The following DTNB variants were observed in gnomAD, a reference collection of about 807,000 sequenced individuals.
DTNB encodes the protein dystrobrevin beta, also known as DTN-B.
In DTNB, 63 loss-of-function variants were observed where a neutral mutation model predicts 90.7. The observed-to-expected ratio is 0.69, with a 90% CI of 0.57 to 0.86. DTNB has a LOEUF of 0.86. Among genes scored for constraint, DTNB ranks in the 40% least tolerant of loss-of-function variants. DTNB has a pLI of 0.00. For missense variants in DTNB, 744 were observed against 807.1 expected, an observed-to-expected ratio of 0.92 and a Z score of 0.95; for synonymous variants, 277 against 286.7, an observed-to-expected ratio of 0.97 and a Z score of 0.34.
At chr2:25,402,126 G>C (rs2043882936) in intron 16 of DTNB, among the ~76,000 whole-genome samples, 1 of 152,222 alleles carries the variant, frequency 6.6e-6, no homozygotes, top group African/African-American at 2.4e-5. Flanking sequence ...AGCTGGTGCT[G>C]GTGGTGACCA....
intron 4 of DTNB, among the ~76,000 whole-genome samples, chr2:25,623,106 A>C (rs1347291610): frequency 6.6e-6 from 1 of 152,210 alleles, no homozygotes; most frequent in African/African-American, 2.4e-5. Context: ...AAACGAGAAA[A>C]CAAAAACAGA....
intron 9 of DTNB, among the ~76,000 whole-genome samples, chr2:25,510,513 CTTT>C (rs913768253): frequency 6.9e-6 from 1 of 143,912 alleles, no homozygotes; most frequent in Admixed American, 6.9e-5. Context: ...CTTTCTTCTT[CTTT>C]TTTTTTTTTG....
intron 3 of DTNB, among the ~76,000 whole-genome samples, chr2:25,636,142 C>T (rs552898586): frequency 1.2e-3 from 175 of 152,154 alleles, no homozygotes; most frequent in African/African-American, 4.1e-3. Flanking sequence ...ACTGAAAATA[C>T]ATATGGAAAA....
In DTNB at chr2:25,515,572, C is replaced by CATTTATTT. The variant is rs60019416; in HGVS notation, c.1001+15893_1001+15900dup. 1.5e-3 allele frequency among the ~76,000 whole-genome samples: 230 copies of CATTTATTT among 150,174 alleles called. 1 individual carries two copies. Among genetic ancestry groups the CATTTATTT allele is most frequent in the Non-Finnish European group, 2.1e-3 (139 of 67,626 alleles). On this transcript the variant is annotated intron_variant, in intron 9 of 20. Transcript: ENST00000406818. ...GTGCTTAGACAAGTGGATATCCATG[C>CATTTATTT]ATTTATTTATTTATTTATTTATTTA...
intron 8 of DTNB, among the ~76,000 whole-genome samples, chr2:25,539,753 T>C (rs1298108055): frequency 2.0e-5 from 3 of 152,156 alleles, no homozygotes; most frequent in Non-Finnish European, 4.4e-5. Context: ...TTTTTTCCTT[T>C]ATATTCTGTT....
At chr2:25,614,367 G>A (rs912359805) in intron 4 of DTNB, among the ~76,000 whole-genome samples, 15 of 152,050 alleles carry the variant, frequency 9.9e-5, no homozygotes, top group African/African-American at 3.6e-4. Context: ...AAACACATTA[G>A]AAGTAAAGAA....
At chr2:25,590,345 T>C (rs2063322998) in intron 6 of DTNB, among the ~76,000 whole-genome samples, 1 of 152,188 alleles carries the variant, frequency 6.6e-6, no homozygotes, top group Non-Finnish European at 1.5e-5. Context: ...GACTGAGGTA[T>C]GTGGAAAAGT....
intron 9 of DTNB, among the ~76,000 whole-genome samples, chr2:25,516,658 G>A (rs2075177781): frequency 6.6e-6 from 1 of 152,096 alleles, no homozygotes; most frequent in Admixed American, 6.5e-5. Flanking sequence ...GGGAGGCTGA[G>A]GCAAGCAGAT....
chr2:25,648,079 C>G (rs1222411170), intron 2 of DTNB, among the ~76,000 whole-genome samples: 3 of 152,130 alleles, frequency 2.0e-5, no homozygotes, highest in Non-Finnish European at 4.4e-5. Flanking sequence ...AAATCAGAAT[C>G]TCTGAGCATG....
intron 9 of DTNB, among the ~76,000 whole-genome samples, chr2:25,496,051 A>T (rs375453523): frequency 1.3e-4 from 20 of 152,210 alleles, no homozygotes; most frequent in African/African-American, 4.8e-4. Flanking sequence ...TCACCACTAG[A>T]TAGTGTCTAG....
intron 9 of DTNB, among the ~76,000 whole-genome samples, chr2:25,530,110 C>T (rs624622): frequency 0.32 from 49,136 of 151,920 alleles, 9,645 homozygotes; most frequent in African/African-American, 0.54. Context: ...AGAGATGAGG[C>T]TGATTCATTA....
intron 3 of DTNB, among the ~76,000 whole-genome samples, chr2:25,631,555 G>A (rs1263279012): frequency 6.7e-6 from 1 of 149,016 alleles, no homozygotes; most frequent in Non-Finnish European, 1.5e-5. Flanking sequence ...CCTGAGTGAC[G>A]AAGTGAGACC....
At position 25,467,231 on chromosome 2, in the gene DTNB, T is replaced by C. The variant is rs553848032; in HGVS notation, c.1080-11737A>G. On this transcript the variant is annotated intron_variant, in intron 10 of 20. Transcript: ENST00000406818. ...CAACATTTGTACCTTTGACTACTGC[T>C]ACTATACTACGAATGAAGAAGATGT... Among the ~76,000 whole-genome samples the C allele has an allele frequency of 7.2e-5, 11 of 152,264 alleles. No individual in the cohort carries two copies. In the South Asian group the frequency reaches 2.3e-3, roughly 32 times the overall value.
rs191139644 is a variant in DTNB, at chr2:25,504,472, G to A, written c.1002-21599C>T. Among the ~76,000 whole-genome samples, 11 of 134,964 alleles carry A rather than the reference G, an allele frequency of 8.2e-5. 1 individual carries two copies. The highest frequency in any genetic ancestry group is 7.3e-4 in the Admixed American group (9 of 12,396). The allele number at this position is 134,964 out of a possible 152,430, so 88.5% of individuals were successfully genotyped here. ...GGAAAGAAAGGAAGGAAGGAAGGAA[G>A]GAAAGAAGGAAAGACAAGAAAGAAG... On this transcript the variant is annotated intron_variant, in intron 9 of 20. Transcript: ENST00000406818.
At chr2:25,379,488 G>A (rs2036935041) in intron 19 of DTNB, 165 bp from the exon 20 acceptor site, 1 of 851,216 alleles carries the variant, frequency 1.2e-6, no homozygotes, top group East Asian at 3.3e-5. Flanking sequence ...CAGCAGGGTA[G>A]AGTCATACTT....
chr2:25,649,161 C>G (rs755381983), intron 2 of DTNB, among the ~76,000 whole-genome samples: 11 of 151,924 alleles, frequency 7.2e-5, no homozygotes, highest in Non-Finnish European at 1.5e-5. Context: ...CCTGCCAGCA[C>G]GCCCAGCTAA....
chr2:25,449,580 T>C (rs2058959793), intron 12 of DTNB, among the ~76,000 whole-genome samples: 1 of 152,156 alleles, frequency 6.6e-6, no homozygotes, highest in South Asian at 2.1e-4. Flanking sequence ...TCAAGCACAT[T>C]TTCATGTGCT....
intron 9 of DTNB, among the ~76,000 whole-genome samples, chr2:25,522,151 A>T (rs1346717614): frequency 1.3e-5 from 2 of 152,232 alleles, no homozygotes; most frequent in Non-Finnish European, 2.9e-5. Context: ...TCTCTCAGAG[A>T]CCTGGAAGTA....
intron 12 of DTNB, among the ~76,000 whole-genome samples, chr2:25,437,664 C>T (rs146841914): frequency 9.2e-5 from 14 of 152,216 alleles, no homozygotes; most frequent in African/African-American, 1.7e-4. Flanking sequence ...GGGAAAAAGA[C>T]GGGAATGATT....
Sources: allele counts gnomAD v4.1 joint callset (sites outside exome capture counted in the v4.1 genomes callset), GRCh38; gene constraint gnomAD v4.1.1; transcripts MANE v1.5; gene names NCBI Gene and HGNC (gene_info 2026-07-23, HGNC 2026-07-21).